SCARA5: variants seen among roughly 807,000 people sequenced by gnomAD.
SCARA5 encodes the protein scavenger receptor class A member 5, also known as scavenger receptor class A, member 5 (putative).
Under a neutral mutation model 46.3 loss-of-function variants are expected in SCARA5, and 45 were observed. The ratio of observed to expected loss-of-function variants is 0.97; its 90% CI spans 0.76 to 1.24. SCARA5 has a LOEUF of 1.24. Among genes scored for constraint, SCARA5 ranks in the 50% most tolerant of loss-of-function variants. The pLI is 0.00. For missense variants in SCARA5, 680 were observed against 689.0 expected, an observed-to-expected ratio of 0.99 and a Z score of 0.15; for synonymous variants, 333 against 306.5, an observed-to-expected ratio of 1.09 and a Z score of -0.90.
chr8:27,935,981 A>G (rs1264290118), intron 3 of SCARA5, among the ~76,000 whole-genome samples: 1 of 152,162 alleles, frequency 6.6e-6, no homozygotes, highest in Non-Finnish European at 1.5e-5. Flanking sequence ...CCTGGTTCCT[A>G]GCTCAGCAGG....
intron 7 of SCARA5, among the ~76,000 whole-genome samples, chr8:27,889,463 G>A (rs539294442): frequency 3.3e-5 from 5 of 152,198 alleles, no homozygotes; most frequent in African/African-American, 7.2e-5. Context: ...GAGAGGTGAC[G>A]TGCCTTACCC....
At chr8:27,956,530 C>T (rs984941409) in intron 3 of SCARA5, among the ~76,000 whole-genome samples, 1 of 152,174 alleles carries the variant, frequency 6.6e-6, no homozygotes, top group African/African-American at 2.4e-5. Context: ...TTTCATCATA[C>T]TGATGATTAC....
chr8:27,897,248 C>A (rs1464670009), intron 7 of SCARA5, among the ~76,000 whole-genome samples: 1 of 152,152 alleles, frequency 6.6e-6, no homozygotes, highest in Non-Finnish European at 1.5e-5. Context: ...GAGAGTTGAT[C>A]CAGTGACATC....
chr8:27,892,068 C>T (rs1245934282), intron 7 of SCARA5, among the ~76,000 whole-genome samples: 2 of 152,208 alleles, frequency 1.3e-5, no homozygotes, highest in Non-Finnish European at 2.9e-5. Flanking sequence ...GTCCCAGCCT[C>T]TCTGATGAAG....
intron 3 of SCARA5, among the ~76,000 whole-genome samples, chr8:27,926,090 C>A (rs1054126345): frequency 6.6e-6 from 1 of 152,142 alleles, no homozygotes; most frequent in Non-Finnish European, 1.5e-5. Context: ...CCAGCAGTGC[C>A]ATTACTGGGT....
At chr8:27,983,563 G>A (rs1346892879) in intron 2 of SCARA5, among the ~76,000 whole-genome samples, 1 of 152,202 alleles carries the variant, frequency 6.6e-6, no homozygotes, top group African/African-American at 2.4e-5. Context: ...CTCCACCACT[G>A]ATGACTTGAG....
At chr8:27,918,664 GGAGGAAAAGGAAGAT>G (rs1807513614) in intron 4 of SCARA5, among the ~76,000 whole-genome samples, 1 of 23,142 alleles carries the variant, frequency 4.3e-5, no homozygotes, top group East Asian at 1.4e-3. Context: ...AGGAAGATGA[GGAGGAAAAGGAAGAT>G]GAGGAGGAAA....
intron 7 of SCARA5, among the ~76,000 whole-genome samples, chr8:27,881,917 C>T (rs550171684): frequency 3.3e-5 from 5 of 152,324 alleles, no homozygotes; most frequent in Non-Finnish European, 7.3e-5. Flanking sequence ...ACTTTTGGTG[C>T]TGCACATGCG....
intron 8 of SCARA5, among the ~76,000 whole-genome samples, chr8:27,878,808 G>T (rs1806763935): frequency 6.6e-6 from 1 of 152,224 alleles, no homozygotes; most frequent in Admixed American, 6.5e-5. Flanking sequence ...AACAGGGATG[G>T]CTGGGCATGG....
chr8:27,903,908 G>T (rs192418300), intron 7 of SCARA5, among the ~76,000 whole-genome samples: 1 of 152,138 alleles, frequency 6.6e-6, no homozygotes, highest in East Asian at 1.9e-4. Context: ...GCGCCCTCAC[G>T]TGGGACAGAG....
chr8:27,958,122 T>C (rs1431222777), intron 3 of SCARA5, among the ~76,000 whole-genome samples: 1 of 152,206 alleles, frequency 6.6e-6, no homozygotes, highest in African/African-American at 2.4e-5. Flanking sequence ...GTGCTGTAAG[T>C]AGGGCTTTGG....
chr8:27,942,411 C>G (rs1807965731), intron 3 of SCARA5, among the ~76,000 whole-genome samples: 3 of 152,184 alleles, frequency 2.0e-5, no homozygotes, highest in Admixed American at 2.0e-4. Flanking sequence ...CACTTTCCAA[C>G]CACCACCACC....
At chr8:27,945,222 A>G (rs1287510406) in intron 3 of SCARA5, among the ~76,000 whole-genome samples, 2 of 151,770 alleles carry the variant, frequency 1.3e-5, no homozygotes, top group African/African-American at 2.4e-5. Context: ...TCTAACCTGC[A>G]TGGAGCCAAA....
chr8:27,971,861 A>T (rs552927684), intron 2 of SCARA5, among the ~76,000 whole-genome samples: 8 of 152,228 alleles, frequency 5.3e-5, no homozygotes, highest in African/African-American at 1.9e-4. Context: ...CTCTGTAGGC[A>T]TCCTCCCCTG....
chr8:27,952,372 G>T (rs946107901), intron 3 of SCARA5, among the ~76,000 whole-genome samples: 3 of 152,102 alleles, frequency 2.0e-5, no homozygotes, highest in Non-Finnish European at 4.4e-5. Flanking sequence ...ACACAGCTGG[G>T]TGGTTGTTTT....
At chr8:27,902,386 G>A (rs569936809) in intron 7 of SCARA5, among the ~76,000 whole-genome samples, 4 of 151,230 alleles carry the variant, frequency 2.6e-5, no homozygotes, top group African/African-American at 4.8e-5. Context: ...TCCCTGCACC[G>A]TAGCTCTGGC....
chr8:27,906,850 C>T lies in SCARA5; in HGVS notation c.1096+298G>A, dbSNP rs548616967. On this transcript the variant is annotated intron_variant, in intron 6 of 8. Transcript: ENST00000354914. Reference sequence around the variant, plus strand: ...AAGTAGCTGGGACTACAGATAAGTGCCACCACACTTGGCTAATTATTTTAT... The same window carrying T: ...AAGTAGCTGGGACTACAGATAAGTGTCACCACACTTGGCTAATTATTTTAT... Among the ~76,000 whole-genome samples, 4 of 152,294 alleles carry T rather than the reference C, an allele frequency of 2.6e-5. No individual in the cohort carries two copies. The East Asian group carries it at 5.8e-4, about 22-fold the overall frequency.
chr8:27,911,692 C>CA (rs72278994), intron 4 of SCARA5, among the ~76,000 whole-genome samples: 19 of 150,610 alleles, frequency 1.3e-4, no homozygotes, highest in Non-Finnish European at 1.9e-4. Context: ...ACTCTGTCTC[C>CA]AAAAAAAAAG....
Position 27,879,726 on chromosome 8 carries a change from G to A in SCARA5, c.1194C>T (p.Gly398=). The stretch of plus-strand genomic sequence containing the variant: ...CCACGCGGCCCTCGTGCGGACCTGA[G>A]CCATTCACCAGGCGGATCATCATCG... ...EAPMMIRLVN[G]SGPHEGRVEV... Residue 398 remains glycine (G), a synonymous_variant, in exon 8 of 9, where the codon GGC becomes GGT. Transcript: ENST00000354914. 1.2e-6 allele frequency: 2 copies of A among 1,613,120 alleles called. No homozygotes were observed. The highest frequency in any genetic ancestry group is 1.7e-6 in the Non-Finnish European group (2 of 1,180,010).
Sources: allele counts gnomAD v4.1 joint callset (sites outside exome capture counted in the v4.1 genomes callset), GRCh38; gene constraint gnomAD v4.1.1; transcripts MANE v1.5; gene names NCBI Gene and HGNC (gene_info 2026-07-23, HGNC 2026-07-21).